The following SLC35G2 variants were observed in gnomAD, a reference collection of about 807,000 sequenced individuals.
SLC35G2 encodes transmembrane protein 22.
A neutral mutation model predicts 27.2 loss-of-function variants in SLC35G2; 20 were observed. That is an observed-to-expected ratio of 0.74 (90% confidence interval 0.52 to 1.07). The LOEUF (loss-of-function observed/expected upper bound fraction) is 1.07. SLC35G2 is among the 50% of genes least tolerant of loss of function. The probability of loss-of-function intolerance (pLI) is 0.00; values close to 1 mark genes in which losing one functional copy is unlikely to be tolerated. For missense variants in SLC35G2, 416 were observed against 493.3 expected, an observed-to-expected ratio of 0.84 and a Z score of 1.48; for synonymous variants, 148 against 165.3, an observed-to-expected ratio of 0.90 and a Z score of 0.80.
chr3:136,844,228 A>G (rs1012835925), intron 1 of SLC35G2, among the ~76,000 whole-genome samples: 3 of 151,600 alleles, frequency 2.0e-5, no homozygotes, highest in African/African-American at 7.3e-5. Context: ...GGTGGCTCAC[A>G]CCGGTAATCC....
intron 1 of SLC35G2, among the ~76,000 whole-genome samples, chr3:136,844,797 CAA>C (rs58243269): frequency 2.1e-3 from 74 of 35,756 alleles, no homozygotes; most frequent in African/African-American, 6.5e-3. Context: ...CTCTCTGTCT[CAA>C]AAAAAAAAAA....
intron 1 of SLC35G2, chr3:136,838,065 A>C (rs906864526): frequency 6.6e-6 from 1 of 151,880 alleles, no homozygotes; most frequent in African/African-American, 2.4e-5. Flanking sequence ...GCTGGTCTCA[A>C]ATCTCCTGAG....
chr3:136,831,274 G>A (rs1936724311), intron 1 of SLC35G2, among the ~76,000 whole-genome samples: 1 of 152,162 alleles, frequency 6.6e-6, no homozygotes, highest in Non-Finnish European at 1.5e-5. Context: ...GCAGAATTGT[G>A]ACAACCAAAG....
intron 1 of SLC35G2, among the ~76,000 whole-genome samples, chr3:136,828,531 T>C (rs1936645934): frequency 6.6e-6 from 1 of 152,360 alleles, no homozygotes; most frequent in East Asian, 1.9e-4. Flanking sequence ...AAATCTATTT[T>C]GTCTGATATT....
chr3:136,833,109 G>A (rs988440736), intron 1 of SLC35G2, among the ~76,000 whole-genome samples: 1 of 151,812 alleles, frequency 6.6e-6, no homozygotes, highest in Middle Eastern at 3.4e-3. Flanking sequence ...ATAAGATGGT[G>A]AAAGGACTGA....
Position 136,854,678 on chromosome 3 carries a change from A to G in SLC35G2, c.218A>G (p.Asp73Gly), listed in dbSNP as rs764844830. Residue 73 changes from aspartate to glycine, a missense_variant, in exon 2 of 2, where the codon GAT (aspartate) becomes GGT (glycine). By Grantham distance (94) the Asp-to-Gly change is moderately conservative (BLOSUM62 -1). Coordinates refer to ENST00000446465, the MANE Select transcript of SLC35G2 (RefSeq NM_025246.3). Reference protein sequence around the residue: ...KKGRAFFGTMDTLPPPTEDPM... With the variant: ...KKGRAFFGTMGTLPPPTEDPM... ...GGGAGAGCTTTCTTTGGAACCATGGATACCCTACCTCCACCAACAGAAGAC... is the reference window on the plus strand; with the variant it reads ...GGGAGAGCTTTCTTTGGAACCATGGGTACCCTACCTCCACCAACAGAAGAC... 1 of 1,614,170 alleles carries G rather than the reference A, an allele frequency of 6.2e-7. No homozygotes were observed. Among genetic ancestry groups the G allele is most frequent in the Non-Finnish European group, 8.5e-7 (1 of 1,180,022 alleles).
intron 1 of SLC35G2, among the ~76,000 whole-genome samples, chr3:136,843,617 G>C (rs917312251): frequency 1.4e-5 from 2 of 147,890 alleles, no homozygotes; most frequent in Non-Finnish European, 3.0e-5. Flanking sequence ...TTGCACTCCA[G>C]CCTGGGCGAC....
chr3:136,843,431 G>GC (rs1447868312), intron 1 of SLC35G2: 4 of 151,926 alleles, frequency 2.6e-5, no homozygotes, highest in African/African-American at 9.7e-5. Context: ...TTCACTTGAG[G>GC]CCAGGAGTTC....
rs749513665 is a variant in SLC35G2, at chr3:136,854,629, C to A, written c.169C>A (p.Leu57Met). 12 of 1,613,238 alleles carry A rather than the reference C, an allele frequency of 7.4e-6. No individual in the cohort carries two copies. Among genetic ancestry groups the A allele is most frequent in the Non-Finnish European group, 1.0e-5 (12 of 1,179,854 alleles). ...TATGGAGGAAAATCCAAAGAAAGGT[C>A]TGCTGAGTGAAATGAAAAAAAAAGG... ...NFMEENPKKGLLSEMKKKGRA... is the reference protein window; with the variant it reads ...NFMEENPKKGMLSEMKKKGRA... Residue 57 changes from leucine to methionine, a missense_variant, in exon 2 of 2, where the codon CTG becomes ATG. Transcript: ENST00000446465.
At chr3:136,835,796 A>G (rs770560289) in intron 1 of SLC35G2, among the ~76,000 whole-genome samples, 2 of 152,160 alleles carry the variant, frequency 1.3e-5, no homozygotes, top group Non-Finnish European at 2.9e-5. Context: ...CCAATAGATT[A>G]TAAGCCATTA....
At chr3:136,830,392 C>T (rs970616452) in intron 1 of SLC35G2, among the ~76,000 whole-genome samples, 20 of 152,186 alleles carry the variant, frequency 1.3e-4, no homozygotes, top group African/African-American at 4.8e-4. Flanking sequence ...ACACCATTCT[C>T]CTGCCTCAGC....
chr3:136,843,008 T>C (rs1937164915), intron 1 of SLC35G2: 1 of 152,112 alleles, frequency 6.6e-6, no homozygotes. Context: ...CTCTGAGTCT[T>C]CTTAGAAGGA....
intron 1 of SLC35G2, among the ~76,000 whole-genome samples, chr3:136,852,013 G>A (rs1294753379): frequency 1.3e-5 from 2 of 152,116 alleles, no homozygotes; most frequent in Non-Finnish European, 2.9e-5. Flanking sequence ...CAAGTAAGAT[G>A]GCAGAAAAGA....
chr3:136,839,436 GT>G (rs923799880), intron 1 of SLC35G2, among the ~76,000 whole-genome samples: 2 of 151,428 alleles, frequency 1.3e-5, no homozygotes, highest in African/African-American at 2.4e-5. Flanking sequence ...GCCACATAAA[GT>G]TTTTTTTTCA....
chr3:136,829,917 G>C (rs541749486), intron 1 of SLC35G2, among the ~76,000 whole-genome samples: 1 of 152,110 alleles, frequency 6.6e-6, no homozygotes, highest in Admixed American at 6.5e-5. Flanking sequence ...GGTTAAACCT[G>C]CTTGGTGTTC....
In SLC35G2 at chr3:136,855,669, C is replaced by T. The variant is rs765790231; in HGVS notation, c.1209C>T (p.Tyr403=). 1 of 1,607,654 alleles carries T rather than the reference C, an allele frequency of 6.2e-7. No homozygotes were observed. Among genetic ancestry groups the T allele is most frequent in the Admixed American group, 1.7e-5 (1 of 59,988 alleles). The change falls in exon 2 of 2, where the codon TAC becomes TAT. Residue 403 remains tyrosine, a synonymous_variant. Coordinates refer to ENST00000446465, the MANE Select transcript of SLC35G2 (RefSeq NM_025246.3). ...GGAGGAATTTAAGAAAGCAGGACTA[C>T]CAGGAAATACTAGACTCTCCCATTA... The part of the protein sequence containing the change: ...LYWRNLRKQD[Y]QEILDSPIK
chr3:136,843,632 T>A (rs1036495039), intron 1 of SLC35G2, among the ~76,000 whole-genome samples: 9 of 148,878 alleles, frequency 6.0e-5, no homozygotes, highest in African/African-American at 2.2e-4. Flanking sequence ...GGCGACAGAG[T>A]GAGACCCTGT....
At chr3:136,849,638 T>C (rs1282210497) in intron 1 of SLC35G2, among the ~76,000 whole-genome samples, 1 of 151,778 alleles carries the variant, frequency 6.6e-6, no homozygotes, top group East Asian at 2.0e-4. Flanking sequence ...ACTACAGGCA[T>C]GTGCCACCAC....
intron 1 of SLC35G2, among the ~76,000 whole-genome samples, chr3:136,823,536 G>C (rs1936509466): frequency 6.6e-6 from 1 of 152,096 alleles, no homozygotes; most frequent in Non-Finnish European, 1.5e-5. Flanking sequence ...TAGTTTTATA[G>C]TTCGAAGACT....
Sources: allele counts gnomAD v4.1 joint callset (sites outside exome capture counted in the v4.1 genomes callset), GRCh38; gene constraint gnomAD v4.1.1; transcripts MANE v1.5; gene names NCBI Gene and HGNC (gene_info 2026-07-23, HGNC 2026-07-21).